Variants in RNF144A observed in about 807,000 individuals in gnomAD.
RNF144A encodes E3 ubiquitin-protein ligase RNF144A.
RNF144A carries 11 observed loss-of-function variants against 38.7 expected under a neutral mutation model. The observed-to-expected ratio is 0.28, with a 90% CI of 0.18 to 0.47. The LOEUF (loss-of-function observed/expected upper bound fraction) is 0.47. Ranked by LOEUF, RNF144A falls within the 20% of genes least tolerant of loss-of-function variation. The probability of loss-of-function intolerance (pLI) is 0.99; values close to 1 mark genes in which losing one functional copy is unlikely to be tolerated. For synonymous variants in RNF144A, 149 were observed against 143.9 expected, an observed-to-expected ratio of 1.04 and a Z score of -0.25; for missense variants, 316 against 377.2, an observed-to-expected ratio of 0.84 and a Z score of 1.34.
chr2:6,960,315 A>C (rs1227504349), intron 2 of RNF144A, among the ~76,000 whole-genome samples: 1 of 152,236 alleles, frequency 6.6e-6, no homozygotes, highest in African/African-American at 2.4e-5. Context: ...ATCAACTCTT[A>C]GAATCTGCCT....
chr2:7,020,654 G>C lies in RNF144A; in HGVS notation c.483G>C (p.Pro161=). 3 of 1,605,470 alleles carry C rather than the reference G, an allele frequency of 1.9e-6. No homozygotes were observed. The highest frequency in any genetic ancestry group is 1.7e-6 in the Non-Finnish European group (2 of 1,179,958). The change falls in exon 6 of 9, where the codon CCG becomes CCC. Residue 161 remains proline, a synonymous_variant. Transcript: ENST00000320892. ...HPGQGCPETM[P]ITFLPGETSA... ...GCCAGGGCTGCCCGGAGACCATGCC[G>C]ATCACCTTCCTCCCCGGGGAGACCA... is the stretch of plus-strand genomic sequence containing the variant.
At chr2:6,992,709 C>T (rs1439955410) in intron 2 of RNF144A, among the ~76,000 whole-genome samples, 4 of 152,162 alleles carry the variant, frequency 2.6e-5, no homozygotes, top group South Asian at 2.1e-4. Flanking sequence ...AGCCCTGGGG[C>T]TCAGAGATGG....
At chr2:6,921,722 A>T (rs1664552336) in intron 1 of RNF144A, among the ~76,000 whole-genome samples, 1 of 152,138 alleles carries the variant, frequency 6.6e-6, no homozygotes, top group African/African-American at 2.4e-5. Context: ...GAGCAGTGGG[A>T]CCCACAGGAG....
chr2:6,951,277 GTT>G lies in RNF144A; in HGVS notation c.-12+10142_-12+10143del, dbSNP rs35212186. Among the ~76,000 whole-genome samples, 119 of 145,788 alleles carry G rather than the reference GTT, an allele frequency of 8.2e-4. 1 individual carries two copies. Among genetic ancestry groups the G allele is most frequent in the Middle Eastern group, 3.6e-3 (1 of 276 alleles). ...ATGTGTCATGTTTCCATGTATTCATGTTTTTTTTTTTTTCTCTGTCTCCTTTA... is the reference window on the plus strand; with the variant it reads ...ATGTGTCATGTTTCCATGTATTCATGTTTTTTTTTTTCTCTGTCTCCTTTA... On this transcript the variant is annotated intron_variant, in intron 2 of 8. Transcript: ENST00000320892.
At chr2:6,996,686 G>T (rs1269271488) in intron 2 of RNF144A, 8 of 485,330 alleles carry the variant, frequency 1.6e-5, no homozygotes, top group Non-Finnish European at 3.0e-5. Flanking sequence ...CCCATGAGGC[G>T]GAGGTTGCAG....
intron 8 of RNF144A, among the ~76,000 whole-genome samples, chr2:7,031,262 AAC>A (rs1475775788): frequency 6.6e-6 from 1 of 152,212 alleles, no homozygotes; most frequent in Non-Finnish European, 1.5e-5. Context: ...TTGTGCTTTC[AAC>A]ACATATTTAT....
At chr2:6,942,633 G>A (rs966732331) in intron 2 of RNF144A, among the ~76,000 whole-genome samples, 2 of 152,198 alleles carry the variant, frequency 1.3e-5, no homozygotes, top group Non-Finnish European at 2.9e-5. Flanking sequence ...GTAACTAGGT[G>A]GAATTGTCAC....
At chr2:6,985,792 C>T (rs1298435845) in intron 2 of RNF144A, among the ~76,000 whole-genome samples, 2 of 152,214 alleles carry the variant, frequency 1.3e-5, no homozygotes, top group African/African-American at 4.8e-5. Context: ...CCTGCCTCAG[C>T]CTCCCGAGTA....
chr2:7,071,464 A>T (rs888519709), downstream of RNF144A, among the ~76,000 whole-genome samples: 17 of 152,194 alleles, frequency 1.1e-4, no homozygotes, highest in African/African-American at 4.1e-4. Flanking sequence ...GTGTAATTTC[A>T]CATCACAGCC....
chr2:6,925,787 T>G (rs1482414100), intron 1 of RNF144A, among the ~76,000 whole-genome samples: 2 of 152,180 alleles, frequency 1.3e-5, no homozygotes, highest in East Asian at 3.9e-4. Flanking sequence ...GCAAACACCC[T>G]AATAAGGTCA....
intron 2 of RNF144A, among the ~76,000 whole-genome samples, chr2:6,946,826 A>G (rs1666372746): frequency 6.6e-6 from 1 of 152,320 alleles, no homozygotes; most frequent in East Asian, 1.9e-4. Context: ...AAGTCTTAGT[A>G]TAGTCTCTTG....
intron 3 of RNF144A, among the ~76,000 whole-genome samples, chr2:6,997,565 G>A (rs1669832177): frequency 1.3e-5 from 2 of 152,188 alleles, no homozygotes; most frequent in Admixed American, 6.5e-5. Flanking sequence ...GGGGCCAGAT[G>A]ATCCTTCGGG....
intron 3 of RNF144A, among the ~76,000 whole-genome samples, chr2:7,001,592 G>A (rs1486516743): frequency 6.6e-6 from 1 of 151,918 alleles, no homozygotes; most frequent in Admixed American, 6.6e-5. Flanking sequence ...CAGGAAGACT[G>A]CTTGAGCCCA....
intron 1 of RNF144A, among the ~76,000 whole-genome samples, chr2:6,937,519 T>TA (rs1665669343): frequency 6.6e-6 from 1 of 152,264 alleles, no homozygotes; most frequent in South Asian, 2.1e-4. Context: ...CTGGAGGTTA[T>TA]AATTCTGTTT....
intron 5 of RNF144A, among the ~76,000 whole-genome samples, chr2:7,017,706 T>C (rs1671231070): frequency 1.3e-5 from 2 of 152,202 alleles, no homozygotes; most frequent in South Asian, 4.1e-4. Context: ...GCATATCATT[T>C]GCTTTGTTTG....
intron 5 of RNF144A, among the ~76,000 whole-genome samples, chr2:7,018,077 G>T (rs545728161): frequency 6.6e-6 from 1 of 152,326 alleles, no homozygotes; most frequent in East Asian, 1.9e-4. Flanking sequence ...GTGGACAGGA[G>T]GTGGTGCATG....
rs113578650 is a variant in RNF144A at position 6,930,746 on chromosome 2, C to T, written c.-211-10202C>T. Among the ~76,000 whole-genome samples, 803 of 152,154 alleles carry T rather than the reference C, an allele frequency of 5.3e-3. 10 individuals carry two copies. Among genetic ancestry groups the T allele is most frequent in the African/African-American group, 0.019 (772 of 41,474 alleles). On this transcript the variant is annotated intron_variant, in intron 1 of 8. Coordinates refer to ENST00000320892, the MANE Select transcript of RNF144A (RefSeq NM_014746.6). ...AGCTGGGACCACAGGTGTGTGCCACCACACCCAGCAAATTTTTATATTTTT... is the reference window on the plus strand; with the variant it reads ...AGCTGGGACCACAGGTGTGTGCCACTACACCCAGCAAATTTTTATATTTTT...
chr2:7,028,174 A>G (rs1672048641), intron 7 of RNF144A, among the ~76,000 whole-genome samples: 1 of 152,200 alleles, frequency 6.6e-6, no homozygotes, highest in Admixed American at 6.5e-5. Flanking sequence ...GAGGACTTGA[A>G]GGCTGAGTGA....
chr2:6,917,843 C>A lies in RNF144A; in HGVS notation c.-212+221C>A, dbSNP rs1239178282. Among the ~76,000 whole-genome samples, 1 of 150,976 alleles carries A rather than the reference C, an allele frequency of 6.6e-6. No homozygotes were observed. The highest frequency in any genetic ancestry group is 2.4e-5 in the African/African-American group (1 of 41,282). ...CAGAGGACGCCCGCCCTGCCCTGCC[C>A]GTGTCCCTGACCTCGTCCCTGCTCT... On this transcript the variant is annotated intron_variant, in intron 1 of 8. Coordinates refer to ENST00000320892, the MANE Select transcript of RNF144A (RefSeq NM_014746.6). This position sits in a 1 kb window ranked among gnomAD's most constrained non-coding sequence, Gnocchi z 4.8.
Sources: gnomAD v4.1 joint callset for allele counts (sites outside exome capture counted in the v4.1 genomes callset) on GRCh38, gnomAD v4.1.1 for gene constraint, Gnocchi (gnomAD v3.1) non-coding constraint, MANE v1.5 for transcripts, NCBI Gene and HGNC (gene_info 2026-07-23, HGNC 2026-07-21) for gene names.